The following SDCCAG8 variants were observed in gnomAD, a reference collection of about 807,000 sequenced individuals.
SDCCAG8 encodes serologically defined colon cancer antigen 8.
Under a neutral mutation model 101.8 loss-of-function variants are expected in SDCCAG8, and 74 were observed. The observed-to-expected ratio is 0.73, with a 90% CI of 0.60 to 0.88. The LOEUF is 0.88. SDCCAG8 is among the 40% of genes least tolerant of loss of function. The pLI is 0.00. For synonymous variants in SDCCAG8, 281 were observed against 292.9 expected (o/e 0.96, Z 0.41); for missense variants, 787 against 822.6 (o/e 0.96, Z 0.53).
At chr1:243,429,740 C>T (rs973118589) in intron 16 of SDCCAG8, among the ~76,000 whole-genome samples, 51 of 128,426 alleles carry the variant, frequency 4.0e-4, no homozygotes, top group African/African-American at 5.9e-5. Flanking sequence ...CTCACTCTGT[C>T]GCCCAGGGTG....
intron 1 of SDCCAG8, among the ~76,000 whole-genome samples, chr1:243,257,423 G>T (rs1270129714): frequency 2.0e-5 from 3 of 151,096 alleles, no homozygotes; most frequent in Non-Finnish European, 4.4e-5. Context: ...TAAGGAACAA[G>T]ACAAAGTTCC....
chr1:243,499,899 C>A lies in SDCCAG8; in HGVS notation c.*114C>A. On this transcript the variant is annotated 3_prime_UTR_variant, in exon 18 of 18. Transcript: ENST00000366541. ...CCTTCCCAGGGTGACACCGCCTCAG[C>A]CTGCAGTGGGGCTGGTCCTCATCAA... 1 of 995,370 alleles carries A rather than the reference C, an allele frequency of 1.0e-6. No homozygotes were observed. The highest frequency in any genetic ancestry group is 1.6e-6 in the Non-Finnish European group (1 of 640,554). 61.7% of individuals were successfully genotyped at this position (995,370 alleles called of 1,614,324 possible).
chr1:243,266,215 G>A (rs2067569022), intron 1 of SDCCAG8, among the ~76,000 whole-genome samples: 1 of 151,964 alleles, frequency 6.6e-6, no homozygotes, highest in Non-Finnish European at 1.5e-5. Context: ...CCATTATTAA[G>A]TATATGCACC....
intron 16 of SDCCAG8, among the ~76,000 whole-genome samples, chr1:243,483,635 T>A (rs572415702): frequency 6.9e-6 from 1 of 144,850 alleles, no homozygotes; most frequent in African/African-American, 2.5e-5. Context: ...GCCCCTGAAA[T>A]CTGGCTTCTG....
At position 243,308,083 on chromosome 1, in the gene SDCCAG8, G is replaced by C; in HGVS notation, c.835G>C (p.Val279Leu). The C allele has an allele frequency of 6.2e-7, 1 of 1,614,184 alleles. No homozygotes were observed. Among genetic ancestry groups the C allele is most frequent in the Non-Finnish European group, 8.5e-7 (1 of 1,180,016 alleles). ...FLLAANTCNR[V>L]GGLCLKCAQH... The stretch of plus-strand genomic sequence containing the variant: ...TCTGGCTGCTAATACTTGTAACCGT[G>C]TTGGTGGTCTTTGTTTGAAATGTGC... The change falls in exon 8 of 18, where the codon GTT (valine) becomes CTT (leucine). Residue 279 changes from valine to leucine, a missense_variant. Val to Leu is a conservative substitution (Grantham distance 32). Coordinates refer to ENST00000366541, the MANE Select transcript of SDCCAG8 (RefSeq NM_006642.5).
At position 243,307,975 on chromosome 1, in the gene SDCCAG8, C is replaced by CG. The variant is rs768467075; in HGVS notation, c.741-14_741-13insG. The CG allele has an allele frequency of 6.2e-7, 1 of 1,612,892 alleles. No individual in the cohort carries two copies. Among genetic ancestry groups the CG allele is most frequent in the Non-Finnish European group, 8.5e-7 (1 of 1,179,840 alleles). ...ACCTGGCCATTTTCTAGAATTTTTT[C>CG]ACCCTCTTTTTAGGAACGACTTAGC... On this transcript the variant is annotated splice_polypyrimidine_tract_variant and intron_variant, in intron 7 of 17. Coordinates refer to ENST00000366541, the MANE Select transcript of SDCCAG8 (RefSeq NM_006642.5).
chr1:243,437,303 C>T (rs1184406101), intron 16 of SDCCAG8, among the ~76,000 whole-genome samples: 1 of 152,070 alleles, frequency 6.6e-6, no homozygotes, highest in African/African-American at 2.4e-5. Flanking sequence ...ATGCATTCAG[C>T]ACTAGGTACA....
At chr1:243,354,997 G>T (rs1331592150) in intron 12 of SDCCAG8, among the ~76,000 whole-genome samples, 1 of 152,144 alleles carries the variant, frequency 6.6e-6, no homozygotes, top group Non-Finnish European at 1.5e-5. Context: ...GACACACAGT[G>T]TGAGACAGAT....
In SDCCAG8 at chr1:243,314,740, T is replaced by A. The variant is rs568766049; in HGVS notation, c.930-2015T>A. On this transcript the variant is annotated intron_variant, in intron 8 of 17. Transcript: ENST00000366541. ...ATCATTCTTTTTTGAGATGGAGTCTTGCTCTGTCACCTAGGCTAGAGTGCA... is the reference window on the plus strand; with the variant it reads ...ATCATTCTTTTTTGAGATGGAGTCTAGCTCTGTCACCTAGGCTAGAGTGCA... 2.0e-5 allele frequency among the ~76,000 whole-genome samples: 3 copies of A among 152,342 alleles called. No homozygotes were observed. In the East Asian group the frequency reaches 5.8e-4, roughly 29 times the overall value.
At position 243,403,502 on chromosome 1, in the gene SDCCAG8, A is replaced by G. The variant is rs144565798; in HGVS notation, c.1617-12200A>G. On this transcript the variant is annotated intron_variant, in intron 13 of 17. Transcript: ENST00000366541. ...ACAGTATTTTATATGTAATATCCTC[A>G]TAGTCCTATGAGGAGAGGTACTGTT... is the stretch of plus-strand genomic sequence containing the variant. 1.9e-3 allele frequency among the ~76,000 whole-genome samples: 287 copies of G among 152,292 alleles called. 2 individuals carry two copies. Among genetic ancestry groups the G allele is most frequent in the African/African-American group, 6.6e-3 (274 of 41,568 alleles).
intron 15 of SDCCAG8, among the ~76,000 whole-genome samples, chr1:243,424,416 A>G (rs929796963): frequency 6.6e-6 from 1 of 152,110 alleles, no homozygotes; most frequent in Non-Finnish European, 1.5e-5. Flanking sequence ...TTTAGAAAGT[A>G]TGGAAAAGGA....
intron 9 of SDCCAG8, among the ~76,000 whole-genome samples, chr1:243,323,655 C>T (rs1195413283): frequency 3.3e-5 from 5 of 152,156 alleles, no homozygotes; most frequent in Non-Finnish European, 7.3e-5. Context: ...AGTTGTCCAC[C>T]CTGGTAGCTT....
At chr1:243,400,868 GC>G (rs2079347289) in intron 13 of SDCCAG8, among the ~76,000 whole-genome samples, 1 of 152,198 alleles carries the variant, frequency 6.6e-6, no homozygotes, top group East Asian at 1.9e-4. Context: ...TGAAGTATGG[GC>G]CACTAAGTCA....
intron 16 of SDCCAG8, among the ~76,000 whole-genome samples, chr1:243,480,303 AGTGGGATGGATGGATGG>A (rs1663216481): frequency 1.0e-5 from 1 of 100,030 alleles, no homozygotes; most frequent in Admixed American, 1.0e-4. Flanking sequence ...TGGATGGATG[AGTGGGATGGATGGATGG>A]GTGGGATGGA....
At chr1:243,497,227 A>G (rs892395311) in intron 17 of SDCCAG8, among the ~76,000 whole-genome samples, 2 of 151,848 alleles carry the variant, frequency 1.3e-5, no homozygotes, top group African/African-American at 2.4e-5. Context: ...TGTGTTACCA[A>G]AGAGTCAGCA....
At chr1:243,293,523 C>G (rs2070484983) in intron 6 of SDCCAG8, 2 of 520,744 alleles carry the variant, frequency 3.8e-6, no homozygotes, top group African/African-American at 1.9e-5. Flanking sequence ...ATTTCAGATA[C>G]TTGACATAAG....
At position 243,500,024 on chromosome 1, in the gene SDCCAG8, G is replaced by GTGTT; in HGVS notation, c.*241_*244dup. On this transcript the variant is annotated 3_prime_UTR_variant, in exon 18 of 18. Transcript: ENST00000366541. The stretch of plus-strand genomic sequence containing the variant: ...GTTTTCAGAAATGGCTTGAAGTTAT[G>GTGTT]TGTTTAAATCTGCTCATTCGTATGC... 1 of 579,318 alleles carries GTGTT rather than the reference G, an allele frequency of 1.7e-6. No individual in the cohort carries two copies. Among genetic ancestry groups the GTGTT allele is most frequent in the Non-Finnish European group, 3.1e-6 (1 of 324,944 alleles). The allele number at this position is 579,318 out of a possible 1,614,324, so 35.9% of individuals were successfully genotyped here.
At chr1:243,401,748 T>C (rs1406328686) in intron 13 of SDCCAG8, among the ~76,000 whole-genome samples, 1 of 151,322 alleles carries the variant, frequency 6.6e-6, no homozygotes, top group Non-Finnish European at 1.5e-5. Flanking sequence ...AAAAAAAAAA[T>C]GAAGGGGATC....
chr1:243,387,111 C>CATA (rs1279769334), intron 13 of SDCCAG8, among the ~76,000 whole-genome samples: 2 of 152,162 alleles, frequency 1.3e-5, no homozygotes, highest in African/African-American at 4.8e-5. Context: ...TGGCTTATGC[C>CATA]GCTCATATGA....
Sources: allele counts gnomAD v4.1 joint callset (sites outside exome capture counted in the v4.1 genomes callset), GRCh38; gene constraint gnomAD v4.1.1; transcripts MANE v1.5; gene names NCBI Gene and HGNC (gene_info 2026-07-23, HGNC 2026-07-21).